Variants in LRRC4C observed in about 807,000 individuals in gnomAD.
The protein encoded by LRRC4C is leucine rich repeat containing 4C, also known as leucine-rich repeat-containing protein 4C.
A neutral mutation model predicts 33.6 loss-of-function variants in LRRC4C; 5 were observed. The ratio of observed to expected loss-of-function variants is 0.15; its 90% confidence interval spans 0.08 to 0.31. The LOEUF is 0.31. Among genes scored for constraint, LRRC4C ranks in the 10% least tolerant of loss-of-function variants. The probability of loss-of-function intolerance (pLI) is 1.00; values close to 1 mark genes in which losing one functional copy is unlikely to be tolerated. For missense variants in LRRC4C, 560 were observed against 796.7 expected, an observed-to-expected ratio of 0.70 and a Z score of 3.58; for synonymous variants, 329 against 302.0, an observed-to-expected ratio of 1.09 and a Z score of -0.93.
At chr11:40,431,496 G>A (rs1395365720) in intron 3 of LRRC4C, among the ~76,000 whole-genome samples, 1 of 151,584 alleles carries the variant, frequency 6.6e-6, no homozygotes, top group Non-Finnish European at 1.5e-5. Context: ...GCTTAGTATA[G>A]CGTTTTTCCT....
chr11:40,301,912 T>C lies in LRRC4C; in HGVS notation c.-176+17716A>G, dbSNP rs539616744. On this transcript the variant is annotated intron_variant, in intron 4 of 6. Transcript: ENST00000528697. The stretch of plus-strand genomic sequence containing the variant: ...GGGTTGCTGTAGACTTATGAAAAAA[T>C]CATTTATGATATTGACACCGAAATG... Among the ~76,000 whole-genome samples, 9 of 152,222 alleles carry C rather than the reference T, an allele frequency of 5.9e-5. No individual in the cohort carries two copies. In the East Asian group the frequency reaches 1.7e-3, roughly 29 times the overall value.
At chr11:40,218,369 G>A (rs1864125196) in intron 5 of LRRC4C, among the ~76,000 whole-genome samples, 1 of 152,056 alleles carries the variant, frequency 6.6e-6, no homozygotes, top group South Asian at 2.1e-4. Context: ...GAAGGGTTAT[G>A]GTCATAAATG....
chr11:41,400,019 G>A (rs1030853136), intron 1 of LRRC4C, among the ~76,000 whole-genome samples: 2 of 151,958 alleles, frequency 1.3e-5, no homozygotes, highest in Admixed American at 1.3e-4. Flanking sequence ...GAAGAACTCA[G>A]TGCTTGTTAC....
At chr11:40,463,617 C>T (rs1952514092) in intron 3 of LRRC4C, among the ~76,000 whole-genome samples, 1 of 151,992 alleles carries the variant, frequency 6.6e-6, no homozygotes, top group Non-Finnish European at 1.5e-5. Context: ...TTTGGCAATT[C>T]TTTTCAAGAA....
At chr11:40,409,908 G>C (rs2137626599) in intron 3 of LRRC4C, among the ~76,000 whole-genome samples, 1 of 152,090 alleles carries the variant, frequency 6.6e-6, no homozygotes, top group East Asian at 1.9e-4. Flanking sequence ...GTTTGATTTA[G>C]CCATTTTACA....
chr11:40,273,265 T>C (rs527248244), intron 4 of LRRC4C, among the ~76,000 whole-genome samples: 194 of 152,198 alleles, frequency 1.3e-3, no homozygotes, highest in African/African-American at 4.6e-3. Context: ...TAGTAGGTAA[T>C]GTGGTAAGTG....
At chr11:40,370,350 G>A (rs1461979247) in intron 3 of LRRC4C, among the ~76,000 whole-genome samples, 2 of 152,162 alleles carry the variant, frequency 1.3e-5, no homozygotes, top group Non-Finnish European at 2.9e-5. Context: ...GCTGCATATG[G>A]TACAGGAGGT....
intron 3 of LRRC4C, among the ~76,000 whole-genome samples, chr11:40,612,370 T>C (rs562031832): frequency 6.6e-6 from 1 of 151,846 alleles, no homozygotes; most frequent in Admixed American, 6.6e-5. Flanking sequence ...CAATAGTGGC[T>C]GCCAGGAGCT....
At chr11:40,211,341 ATGTGCTTT>A (rs1209810358) in intron 5 of LRRC4C, among the ~76,000 whole-genome samples, 12 of 152,326 alleles carry the variant, frequency 7.9e-5, no homozygotes, top group African/African-American at 2.6e-4. Flanking sequence ...TCTGTTAGAT[ATGTGCTTT>A]TATGGGAATT....
intron 4 of LRRC4C, among the ~76,000 whole-genome samples, chr11:40,312,862 G>C (rs1274768302): frequency 1.3e-5 from 2 of 151,140 alleles, no homozygotes; most frequent in African/African-American, 4.9e-5. Context: ...TTGGACAGCA[G>C]TTACATGAAG....
chr11:41,356,773 G>A (rs866537953), intron 1 of LRRC4C, among the ~76,000 whole-genome samples: 16 of 152,062 alleles, frequency 1.1e-4, no homozygotes, highest in South Asian at 2.1e-4. Context: ...ATCTGCTACC[G>A]ATGAACTTTC....
intron 1 of LRRC4C, among the ~76,000 whole-genome samples, chr11:41,130,115 T>C (rs1942943822): frequency 6.6e-6 from 1 of 151,972 alleles, no homozygotes; most frequent in South Asian, 2.1e-4. Context: ...TTTCTGTGCC[T>C]CCTTACTGCT....
At chr11:40,478,112 CTCTT>C (rs1953340976) in intron 3 of LRRC4C, among the ~76,000 whole-genome samples, 1 of 152,244 alleles carries the variant, frequency 6.6e-6, no homozygotes, top group South Asian at 2.1e-4. Context: ...TCCATTAAGT[CTCTT>C]TCTTTTGCAA....
chr11:41,279,428 A>ACACCCCCC (rs58139193), intron 1 of LRRC4C, among the ~76,000 whole-genome samples: 3,328 of 140,830 alleles, frequency 0.024, 159 homozygotes, highest in Admixed American at 0.1. Context: ...ACACACACAC[A>ACACCCCCC]CCGTGGCAAT....
chr11:41,236,077 A>C (rs1948008619), intron 1 of LRRC4C, among the ~76,000 whole-genome samples: 1 of 152,124 alleles, frequency 6.6e-6, no homozygotes, highest in Admixed American at 6.6e-5. Context: ...CTGGGGAAGC[A>C]CTTAAAAAAA....
intron 1 of LRRC4C, among the ~76,000 whole-genome samples, chr11:41,367,879 A>T (rs1331296089): frequency 6.6e-6 from 1 of 152,152 alleles, no homozygotes; most frequent in African/African-American, 2.4e-5. Flanking sequence ...TCCCTTTTTA[A>T]AAAGGTTATC....
At chr11:41,120,533 C>T (rs1942369621) in intron 1 of LRRC4C, among the ~76,000 whole-genome samples, 2 of 151,954 alleles carry the variant, frequency 1.3e-5, no homozygotes, top group South Asian at 4.1e-4. Context: ...GAGCTAGGTG[C>T]TTATTTCTTG....
At chr11:41,430,881 C>A (rs1319017979) in intron 1 of LRRC4C, among the ~76,000 whole-genome samples, 2 of 151,842 alleles carry the variant, frequency 1.3e-5, no homozygotes, top group East Asian at 1.9e-4. Flanking sequence ...TTTTCCCCTA[C>A]CACTATAATA....
At chr11:41,346,050 T>A (rs982678554) in intron 1 of LRRC4C, among the ~76,000 whole-genome samples, 1 of 152,202 alleles carries the variant, frequency 6.6e-6, no homozygotes, top group Non-Finnish European at 1.5e-5. Flanking sequence ...TGGGTGTTTC[T>A]ATACATATTC....
Sources: allele counts gnomAD v4.1 joint callset (sites outside exome capture counted in the v4.1 genomes callset), GRCh38; gene constraint gnomAD v4.1.1; transcripts MANE v1.5; gene names NCBI Gene and HGNC (gene_info 2026-07-23, HGNC 2026-07-21).